Variants in PCYOX1 observed in about 807,000 individuals in gnomAD.
PCYOX1 encodes prenylcysteine lyase.
A neutral mutation model predicts 46.4 loss-of-function variants in PCYOX1; 46 were observed. The observed-to-expected ratio is 0.99, with a 90% CI of 0.78 to 1.27. The LOEUF (loss-of-function observed/expected upper bound fraction) is 1.27, where lower values mean the gene tolerates loss of function less well. PCYOX1 is among the 50% of genes most tolerant of loss of function. PCYOX1 has a pLI of 0.00. For synonymous variants in PCYOX1, 220 were observed against 231.8 expected (o/e 0.95, Z 0.46); for missense variants, 658 against 628.3 (o/e 1.05, Z -0.51).
intron 3 of PCYOX1, among the ~76,000 whole-genome samples, chr2:70,265,820 T>TA (rs1359501969): frequency 6.6e-6 from 1 of 152,172 alleles, no homozygotes; most frequent in Non-Finnish European, 1.5e-5. Context: ...CTGAGACTGA[T>TA]AGACTCACAG....
chr2:70,269,394 G>A (rs1301118022), intron 3 of PCYOX1, among the ~76,000 whole-genome samples: 2 of 149,252 alleles, frequency 1.3e-5, no homozygotes, highest in African/African-American at 5.0e-5. Flanking sequence ...GGAGTTCAGT[G>A]GCGCTATCTC....
At chr2:70,271,213 A>G (rs983285774) in intron 3 of PCYOX1, among the ~76,000 whole-genome samples, 1 of 148,988 alleles carries the variant, frequency 6.7e-6, no homozygotes. Context: ...GACTACAGGC[A>G]TGCCTCACCA....
rs765322366 is a variant in PCYOX1, at chr2:70,280,526, A to T, written c.*3134A>T. 1.3e-5 allele frequency: 2 copies of T among 152,180 alleles called. No individual in the cohort carries two copies. Among genetic ancestry groups the T allele is most frequent in the Non-Finnish European group, 2.9e-5 (2 of 68,036 alleles). 9.4% of individuals were successfully genotyped at this position (152,180 alleles called of 1,614,324 possible). ...GTTTATTCAATAAGTTTGTTATGGG[A>T]TATAAGAAGATGCATTTTATTAAGT... On this transcript the variant is annotated 3_prime_UTR_variant, in exon 6 of 6. Coordinates refer to ENST00000433351, the MANE Select transcript of PCYOX1 (RefSeq NM_016297.4).
intron 3 of PCYOX1, among the ~76,000 whole-genome samples, chr2:70,272,056 T>A (rs573512342): frequency 6.6e-6 from 1 of 152,146 alleles, no homozygotes; most frequent in Admixed American, 6.6e-5. Flanking sequence ...GAAAATGGCA[T>A]GGTTTTTCCA....
intron 3 of PCYOX1, among the ~76,000 whole-genome samples, chr2:70,270,580 C>G (rs192054406): frequency 5.9e-5 from 9 of 152,298 alleles, no homozygotes; most frequent in African/African-American, 2.2e-4. Context: ...CTTTGCATTG[C>G]TTTTACCTCT....
At chr2:70,276,176 CTT>C (rs146169632) in intron 5 of PCYOX1, among the ~76,000 whole-genome samples, 2 of 141,316 alleles carry the variant, frequency 1.4e-5, no homozygotes. Context: ...GAAAAATAAT[CTT>C]TTTTTTTTTT....
In PCYOX1 at chr2:70,280,362, G is replaced by C. The variant is rs1024619044; in HGVS notation, c.*2970G>C. On this transcript the variant is annotated 3_prime_UTR_variant, in exon 6 of 6. Coordinates refer to ENST00000433351, the MANE Select transcript of PCYOX1 (RefSeq NM_016297.4). ...AACACTGTCAGAGCTTACTGCTCCA[G>C]ACCTTTTTTTTTAATAGAAGAGACT... The C allele has an allele frequency of 1.3e-5, 2 of 150,612 alleles. No homozygotes were observed. Among genetic ancestry groups the C allele is most frequent in the Admixed American group, 6.6e-5 (1 of 15,244 alleles). 9.3% of individuals were successfully genotyped at this position (150,612 alleles called of 1,614,324 possible). A position where few individuals can be genotyped will look rare whatever the true frequency, so the allele number is the denominator to read the frequency against.
chr2:70,267,569 C>T (rs1250750222), intron 3 of PCYOX1, among the ~76,000 whole-genome samples: 3 of 152,168 alleles, frequency 2.0e-5, no homozygotes, highest in Non-Finnish European at 4.4e-5. Flanking sequence ...TGGCAGATCA[C>T]TCATGGTCAG....
At position 70,280,943 on chromosome 2, in the gene PCYOX1, G is replaced by C. The variant is rs1016358201; in HGVS notation, c.*3551G>C. The stretch of plus-strand genomic sequence containing the variant: ...CAGTCTTTAAGCATTTGCTTGGTAA[G>C]GTTTCTTAAGATTAGGTTTATAATA... On this transcript the variant is annotated 3_prime_UTR_variant, in exon 6 of 6. Transcript: ENST00000433351. 1 of 152,108 alleles carries C rather than the reference G, an allele frequency of 6.6e-6. No homozygotes were observed. The highest frequency in any genetic ancestry group is 6.6e-5 in the Admixed American group (1 of 15,260). 9.4% of individuals were successfully genotyped at this position (152,108 alleles called of 1,614,324 possible).
Position 70,261,212 on chromosome 2 carries a change from G to C in PCYOX1, c.320G>C (p.Gly107Ala). Residue 107 changes from glycine (G) to alanine (A), a missense_variant and splice_region_variant, in exon 3 of 6, where the codon GGT becomes GCT. Physicochemically the swap from Gly to Ala is moderately conservative, Grantham distance 60. Coordinates refer to ENST00000433351, the MANE Select transcript of PCYOX1 (RefSeq NM_016297.4). The stretch of plus-strand genomic sequence containing the variant: ...TTAGCTGTGCTTTATGTTTTTGCAG[G>C]TCTCTCTGCTGTTCAGGCCTCTGGT... ...LHMKRFVKDL[G>A]LSAVQASGGL... 6.2e-7 allele frequency: 1 copy of C among 1,604,862 alleles called. No homozygotes were observed. The highest frequency in any genetic ancestry group is 8.5e-7 in the Non-Finnish European group (1 of 1,172,664).
At chr2:70,276,399 G>A (rs1291736327) in intron 5 of PCYOX1, among the ~76,000 whole-genome samples, 2 of 151,986 alleles carry the variant, frequency 1.3e-5, no homozygotes, top group Non-Finnish European at 2.9e-5. Flanking sequence ...GTAGAGACGG[G>A]GTTTCACCAT....
In PCYOX1 at chr2:70,261,339, C is replaced by T. The variant is rs760907771; in HGVS notation, c.447C>T (p.Ser149=). 1 of 1,612,936 alleles carries T rather than the reference C, an allele frequency of 6.2e-7. No individual in the cohort carries two copies. The highest frequency in any genetic ancestry group is 8.5e-7 in the Non-Finnish European group (1 of 1,178,948). ...TAGTTTGGCGCTATGGATTTCAATCCCTCCGTATGCACATGTGGGTAGAGG... is the reference window on the plus strand; with the variant it reads ...TAGTTTGGCGCTATGGATTTCAATCTCTCCGTATGCACATGTGGGTAGAGG... The part of the protein sequence containing the change: ...IKLVWRYGFQ[S]LRMHMWVEDV... The change falls in exon 3 of 6, where the codon TCC becomes TCT. Residue 149 remains serine (S), a synonymous_variant. Transcript: ENST00000433351.
chr2:70,277,326 C>T lies in PCYOX1; in HGVS notation c.1452C>T (p.Arg484=). The stretch of plus-strand genomic sequence containing the variant: ...ACGCTGCACTCCTTGCCTATCACCG[C>T]TGGAACGGGCACACAGACATGATTG... ...AHNAALLAYH[R]WNGHTDMIDQ... The change falls in exon 6 of 6, where the codon CGC becomes CGT. Residue 484 remains arginine, a synonymous_variant. Transcript: ENST00000433351. The T allele has an allele frequency of 6.8e-6, 11 of 1,614,020 alleles. No individual in the cohort carries two copies. The highest frequency in any genetic ancestry group is 9.3e-6 in the Non-Finnish European group (11 of 1,179,916).
intron 3 of PCYOX1, among the ~76,000 whole-genome samples, chr2:70,274,244 C>CGAGACTCCATCTCTGT (rs1696637050): frequency 7.0e-6 from 1 of 143,656 alleles, no homozygotes; most frequent in Non-Finnish European, 1.5e-5. Flanking sequence ...GTTGCCCAGG[C>CGAGACTCCATCTCTGT]TGGAGTGCAG....
intron 5 of PCYOX1, 44 bp from the exon 6 acceptor site, chr2:70,276,690 T>A: frequency 2.8e-6 from 3 of 1,079,930 alleles, no homozygotes; most frequent in Non-Finnish European, 4.1e-6. Context: ...TTAGAAGGTA[T>A]GTTAGAAACA....
rs767686481 is a variant in PCYOX1 at position 70,277,423 on chromosome 2, CCAAATGACTAT to C, written c.*34_*44del. The stretch of plus-strand genomic sequence containing the variant: ...CACACTCCTTTTTCCCCTCCTAGTT[CCAAATGACTAT>C]CAGTGGCAAAAAAGAACAAAATCTG... On this transcript the variant is annotated 3_prime_UTR_variant, in exon 6 of 6. Transcript: ENST00000433351. The C allele has an allele frequency of 1.3e-6, 2 of 1,520,866 alleles. No homozygotes were observed. Among genetic ancestry groups the C allele is most frequent in the African/African-American group, 2.8e-5 (2 of 72,260 alleles). The allele number at this position is 1,520,866 out of a possible 1,614,324, so 94.2% of individuals were successfully genotyped here.
chr2:70,258,407 G>C, intron 1 of PCYOX1, 131 bp downstream of exon 1: 1 of 582,160 alleles, frequency 1.7e-6, no homozygotes, highest in Non-Finnish European at 2.9e-6. Context: ...TGCGCAGGTC[G>C]CGCTTTCCCC....
Position 70,277,319 on chromosome 2 carries a change from A to C in PCYOX1, c.1445A>C (p.Tyr482Ser), listed in dbSNP as rs376215283. Residue 482 changes from tyrosine to serine, a missense_variant, in exon 6 of 6, where the codon TAT (tyrosine) becomes TCT (serine). Transcript: ENST00000433351. Reference protein sequence around the residue: ...IAAHNAALLAYHRWNGHTDMI... With the variant: ...IAAHNAALLASHRWNGHTDMI... ...GCCCACAACGCTGCACTCCTTGCCT[A>C]TCACCGCTGGAACGGGCACACAGAC... The C allele has an allele frequency of 6.2e-7, 1 of 1,614,094 alleles. No homozygotes were observed. Among genetic ancestry groups the C allele is most frequent in the Admixed American group, 1.7e-5 (1 of 60,020 alleles).
In PCYOX1 at chr2:70,277,234, CT is replaced by C. The variant is rs763512877; in HGVS notation, c.1363del (p.Tyr455IlefsTer6). The C allele has an allele frequency of 1.2e-6, 2 of 1,614,048 alleles. No homozygotes were observed. Among genetic ancestry groups the C allele is most frequent in the African/African-American group, 2.7e-5 (2 of 74,938 alleles). ...KCPSIILHDR[L>X]YYLNGIECAA... ...CCCCTCTATCATTCTCCATGATCGA[CT>C]TTATTACCTCAATGGCATAGAGTGT... On this transcript the variant is annotated frameshift_variant, in exon 6 of 6. Transcript: ENST00000433351. LOFTEE classifies it high-confidence loss of function.
Sources: gnomAD v4.1 joint callset for allele counts (sites outside exome capture counted in the v4.1 genomes callset) on GRCh38, gnomAD v4.1.1 for gene constraint, MANE v1.5 for transcripts, NCBI Gene and HGNC (gene_info 2026-07-23, HGNC 2026-07-21) for gene names.